Variants in KIF3B observed in about 807,000 individuals in gnomAD.
KIF3B encodes the protein kinesin-like protein KIF3B.
A neutral mutation model predicts 74.3 loss-of-function variants in KIF3B; 38 were observed. That is an observed-to-expected ratio of 0.51 (90% CI 0.39 to 0.67). KIF3B has a LOEUF of 0.67. Among genes scored for constraint, KIF3B ranks in the 30% least tolerant of loss-of-function variants. The probability of loss-of-function intolerance (pLI) is 0.00; values close to 1 mark genes in which losing one functional copy is unlikely to be tolerated. For synonymous variants in KIF3B, 326 were observed against 342.5 expected, an observed-to-expected ratio of 0.95 and a Z score of 0.53; for missense variants, 649 against 932.0, an observed-to-expected ratio of 0.70 and a Z score of 3.95.
chr20:32,318,009 G>A (rs1436229247), intron 5 of KIF3B, among the ~76,000 whole-genome samples: 1 of 152,068 alleles, frequency 6.6e-6, no homozygotes, highest in South Asian at 2.1e-4. Context: ...CATATTTAAA[G>A]TGTACAAATC....
At chr20:32,297,347 C>T (rs1001544953) in intron 1 of KIF3B, among the ~76,000 whole-genome samples, 1 of 152,144 alleles carries the variant, frequency 6.6e-6, no homozygotes, top group Admixed American at 6.5e-5. Flanking sequence ...TATTTTTTCC[C>T]ATTTGGAGAT....
intron 5 of KIF3B, among the ~76,000 whole-genome samples, chr20:32,324,477 C>T (rs760827972): frequency 1.3e-5 from 2 of 152,082 alleles, no homozygotes; most frequent in Admixed American, 6.6e-5. Flanking sequence ...ATTGCTTCTG[C>T]TGGTTTGGTG....
At chr20:32,277,968 A>G (rs2047624504) in intron 1 of KIF3B, among the ~76,000 whole-genome samples, 2 of 152,160 alleles carry the variant, frequency 1.3e-5, no homozygotes, top group African/African-American at 2.4e-5. Flanking sequence ...CCCGACCCCC[A>G]GACACGGCCA....
chr20:32,301,228 C>T (rs555531208), intron 1 of KIF3B, among the ~76,000 whole-genome samples: 1 of 151,642 alleles, frequency 6.6e-6, no homozygotes, highest in East Asian at 2.0e-4. Context: ...CCTGGGACTA[C>T]AGGCACATGC....
Position 32,316,847 on chromosome 20 carries a change from A to C in KIF3B, c.1721A>C (p.Asn574Thr), listed in dbSNP as rs1249366838. The C allele has an allele frequency of 6.2e-7, 1 of 1,614,020 alleles. No individual in the cohort carries two copies. The highest frequency in any genetic ancestry group is 1.3e-5 in the African/African-American group (1 of 75,056). Residue 574 changes from asparagine (N) to threonine (T), a missense_variant, in exon 5 of 9, where the codon AAT becomes ACT. Physicochemically the swap from Asn to Thr is moderately conservative, Grantham distance 65. Around this residue, in one of 4 missense-constraint regions of KIF3B, gnomAD observed 363 missense variants for 592.8 expected, o/e 0.61. Transcript: ENST00000375712. ...KERQELEQTQNELTRELKLKH... is the reference protein window; with the variant it reads ...KERQELEQTQTELTRELKLKH... ...CGCCAAGAGCTAGAGCAGACTCAGA[A>C]TGAGCTCACCAGGGAGCTGAAACTC...
intron 1 of KIF3B, among the ~76,000 whole-genome samples, chr20:32,299,408 T>A (rs1448543446): frequency 7.3e-5 from 7 of 96,514 alleles, no homozygotes; most frequent in South Asian, 3.5e-4. Flanking sequence ...TATATATTTT[T>A]TTTTTTTTTT....
chr20:32,316,148 C>A, intron 2 of KIF3B, 70 bp from the exon 3 acceptor site: 1 of 907,200 alleles, frequency 1.1e-6, no homozygotes, highest in Non-Finnish European at 1.8e-6. Context: ...CTTTCACAGG[C>A]TCCCCTGTGA....
In KIF3B at chr20:32,287,317, A is replaced by G. The variant is rs572681690; in HGVS notation, c.-66+9552A>G. Reference sequence around the variant, plus strand: ...AAGTGTGAGCCACCAGGCCCAATCTATTTTTTTTATTTGTTTATTTTTGAG... The same window carrying G: ...AAGTGTGAGCCACCAGGCCCAATCTGTTTTTTTTATTTGTTTATTTTTGAG... On this transcript the variant is annotated intron_variant, in intron 1 of 8. Coordinates refer to ENST00000375712, the MANE Select transcript of KIF3B (RefSeq NM_004798.4). 3.4e-5 allele frequency among the ~76,000 whole-genome samples: 5 copies of G among 145,682 alleles called. No homozygotes were observed. The South Asian group carries it at 8.8e-4, about 26-fold the overall frequency.
chr20:32,310,952 G>T lies in KIF3B; in HGVS notation c.1175G>T (p.Gly392Val). 1 of 1,608,932 alleles carries T rather than the reference G, an allele frequency of 6.2e-7. No individual in the cohort carries two copies. Among genetic ancestry groups the T allele is most frequent in the East Asian group, 2.2e-5 (1 of 44,842 alleles). Residue 392 changes from glycine to valine, a missense_variant, in exon 2 of 9, where the codon GGT becomes GTT. Gly to Val is a moderately radical substitution (Grantham distance 109). Coordinates refer to ENST00000375712, the MANE Select transcript of KIF3B (RefSeq NM_004798.4). The surrounding 1 kb of genome is among the most constrained non-coding windows in gnomAD (Gnocchi z 6.5). The stretch of plus-strand genomic sequence containing the variant: ...AGGGAAGGTGGTGGCAGTGGTGGGG[G>T]TGGGGAAGAGGAGGAGGAGGAGGGA... ...KRREGGGSGG[G>V]GEEEEEEGEE... is the part of the protein sequence containing the mutation.
Position 32,330,216 on chromosome 20 carries a change from C to T in KIF3B, c.2044C>T (p.Pro682Ser). 6.2e-7 allele frequency: 1 copy of T among 1,614,010 alleles called. No individual in the cohort carries two copies. The highest frequency in any genetic ancestry group is 8.5e-7 in the Non-Finnish European group (1 of 1,179,974). The part of the protein sequence containing the change: ...TRDYEGPAIA[P>S]KVQAALDAAL... Reference sequence around the variant, plus strand: ...AGACTATGAGGGTCCAGCCATTGCCCCCAAGGTCCAGGCTGCATTGGATGC... The same window carrying T: ...AGACTATGAGGGTCCAGCCATTGCCTCCAAGGTCCAGGCTGCATTGGATGC... The change falls in exon 8 of 9, where the codon CCC becomes TCC. Residue 682 changes from proline to serine, a missense_variant. Pro to Ser is a moderately conservative substitution (Grantham distance 74). Around this residue, in one of 4 missense-constraint regions of KIF3B, gnomAD observed 186 missense variants for 198.5 expected, o/e 0.94. Transcript: ENST00000375712.
chr20:32,316,657 A>C lies in KIF3B; in HGVS notation c.1629+8A>C. The stretch of plus-strand genomic sequence containing the variant: ...ACCAAAAAACTCAAAAAGGTATGAA[A>C]GGAATGAGGCCAGATGGAGTTGCCT... On this transcript the variant is annotated splice_region_variant and intron_variant, in intron 4 of 8. Transcript: ENST00000375712. 1.2e-6 allele frequency: 2 copies of C among 1,614,164 alleles called. No homozygotes were observed. Among genetic ancestry groups the C allele is most frequent in the Middle Eastern group, 1.6e-4 (1 of 6,062 alleles).
intron 1 of KIF3B, among the ~76,000 whole-genome samples, chr20:32,294,909 A>G (rs1384513976): frequency 6.6e-6 from 1 of 152,142 alleles, no homozygotes; most frequent in Non-Finnish European, 1.5e-5. Context: ...GCCCATATCT[A>G]AATACCTAGA....
At chr20:32,311,476 G>T in intron 2 of KIF3B, among the ~76,000 whole-genome samples, 4 of 8 alleles carry the variant, frequency 0.5, 2 homozygotes, top group Non-Finnish European at 1. Flanking sequence ...GAGGCGGGCG[G>T]ATCACGAGGT....
intron 8 of KIF3B, among the ~76,000 whole-genome samples, chr20:32,330,521 T>C (rs988875477): frequency 1.3e-5 from 2 of 152,218 alleles, no homozygotes; most frequent in African/African-American, 4.8e-5. Context: ...GAATACCTAA[T>C]GTCCCCAGTC....
chr20:32,290,426 C>T (rs1175618032), intron 1 of KIF3B, among the ~76,000 whole-genome samples: 1 of 151,720 alleles, frequency 6.6e-6, no homozygotes, highest in African/African-American at 2.4e-5. Flanking sequence ...GGGTTTCAGT[C>T]CCAGGTGTGT....
At chr20:32,291,754 T>C (rs892579127) in intron 1 of KIF3B, among the ~76,000 whole-genome samples, 5 of 151,852 alleles carry the variant, frequency 3.3e-5, no homozygotes, top group Admixed American at 2.0e-4. Flanking sequence ...TAGCTGGGAT[T>C]ACAGACATGC....
intron 1 of KIF3B, 72 bp from the exon 2 acceptor site, chr20:32,309,641 G>A: frequency 1.2e-6 from 1 of 868,682 alleles, no homozygotes; most frequent in South Asian, 1.8e-5. Context: ...GACTATTTAG[G>A]TGTGTCAGCT....
chr20:32,304,069 G>T (rs917937894), intron 1 of KIF3B, among the ~76,000 whole-genome samples: 18 of 152,040 alleles, frequency 1.2e-4, no homozygotes, highest in Non-Finnish European at 2.2e-4. Context: ...TAAGAAAGAA[G>T]AATTATACCT....
chr20:32,297,108 C>T (rs570585300), intron 1 of KIF3B, among the ~76,000 whole-genome samples: 40 of 151,334 alleles, frequency 2.6e-4, no homozygotes, highest in Non-Finnish European at 5.2e-4. Flanking sequence ...ACTTCTTGCT[C>T]GAGTGTTGCA....
Sources: allele counts gnomAD v4.1 joint callset (sites outside exome capture counted in the v4.1 genomes callset), GRCh38; gene constraint gnomAD v4.1.1; regional missense constraint gnomAD v4.1.1; non-coding constraint Gnocchi (gnomAD v3.1); transcripts MANE v1.5; gene names NCBI Gene and HGNC (gene_info 2026-07-23, HGNC 2026-07-21).